Variants in PTPN14 observed in about 807,000 individuals in gnomAD.
PTPN14 encodes tyrosine-protein phosphatase non-receptor type 14.
In PTPN14, 53 loss-of-function variants were observed where a neutral mutation model predicts 126.8. The observed-to-expected ratio is 0.42, with a 90% confidence interval of 0.34 to 0.53. The LOEUF (loss-of-function observed/expected upper bound fraction) is 0.53. Among genes scored for constraint, PTPN14 ranks in the 20% least tolerant of loss-of-function variants. The pLI, the probability that PTPN14 is intolerant of heterozygous loss-of-function variation, is 0.08. For missense variants in PTPN14, 1,257 were observed against 1,552.9 expected, an observed-to-expected ratio of 0.81 and a Z score of 3.20; for synonymous variants, 630 against 599.3, an observed-to-expected ratio of 1.05 and a Z score of -0.75.
intron 3 of PTPN14, among the ~76,000 whole-genome samples, chr1:214,445,889 A>G (rs563693971): frequency 2.0e-5 from 3 of 152,180 alleles, no homozygotes; most frequent in Non-Finnish European, 4.4e-5. Flanking sequence ...GTTTATAATG[A>G]GCCTGTTGCT....
intron 7 of PTPN14, among the ~76,000 whole-genome samples, chr1:214,398,613 A>ATTTTTTTT (rs56339386): frequency 0.014 from 1,518 of 108,790 alleles, 64 homozygotes; most frequent in African/African-American, 0.033. Flanking sequence ...TGCCCTGCTA[A>ATTTTTTTT]TTTTTTTTTT....
At chr1:214,393,644 A>T in intron 10 of PTPN14, 51 bp downstream of exon 10, 1 of 1,378,184 alleles carries the variant, frequency 7.3e-7, no homozygotes, top group Non-Finnish European at 1.0e-6. Flanking sequence ...AAAGGACATT[A>T]ATTTAATCTG....
At chr1:214,408,554 C>T (rs1331644379) in intron 5 of PTPN14, among the ~76,000 whole-genome samples, 3 of 147,126 alleles carry the variant, frequency 2.0e-5, no homozygotes, top group Admixed American at 6.6e-5. Context: ...AGGCTGTGTG[C>T]CAGATGACAG....
At chr1:214,491,764 T>C (rs1661256274) in intron 1 of PTPN14, among the ~76,000 whole-genome samples, 1 of 152,114 alleles carries the variant, frequency 6.6e-6, no homozygotes, top group East Asian at 1.9e-4. Flanking sequence ...GGAAGGAGAC[T>C]AAAGGACAAG....
At chr1:214,444,081 T>C (rs553283091) in intron 3 of PTPN14, among the ~76,000 whole-genome samples, 20 of 152,224 alleles carry the variant, frequency 1.3e-4, no homozygotes, top group African/African-American at 3.9e-4. Flanking sequence ...TTAATAAAGG[T>C]TGAAATAAAA....
intron 1 of PTPN14, among the ~76,000 whole-genome samples, chr1:214,494,504 G>A (rs1175745058): frequency 6.6e-6 from 1 of 152,200 alleles, no homozygotes; most frequent in Non-Finnish European, 1.5e-5. Flanking sequence ...GGTCAAAATA[G>A]GAACAAGCCC....
intron 17 of PTPN14, among the ~76,000 whole-genome samples, chr1:214,365,835 A>G (rs1288874680): frequency 6.6e-6 from 1 of 152,186 alleles, no homozygotes; most frequent in African/African-American, 2.4e-5. Context: ...CAGTACTACT[A>G]GTAGTAGTAA....
At chr1:214,522,825 A>T (rs1015938057) in intron 1 of PTPN14, among the ~76,000 whole-genome samples, 2 of 152,242 alleles carry the variant, frequency 1.3e-5, no homozygotes, top group Non-Finnish European at 2.9e-5. Context: ...GTGTTTTAAA[A>T]GACTTAATGT....
chr1:214,480,106 T>C (rs1660953070), intron 1 of PTPN14, among the ~76,000 whole-genome samples: 1 of 152,222 alleles, frequency 6.6e-6, no homozygotes, highest in Admixed American at 6.5e-5. Flanking sequence ...GGTTCTAATT[T>C]TTTGCTATTT....
chr1:214,491,712 A>G (rs1661255419), intron 1 of PTPN14, among the ~76,000 whole-genome samples: 1 of 152,158 alleles, frequency 6.6e-6, no homozygotes, highest in African/African-American at 2.4e-5. Flanking sequence ...ATGGCCCTCT[A>G]GGCTTACAAT....
At chr1:214,494,800 G>A (rs1421279619) in intron 1 of PTPN14, among the ~76,000 whole-genome samples, 1 of 152,152 alleles carries the variant, frequency 6.6e-6, no homozygotes, top group Non-Finnish European at 1.5e-5. Context: ...GAAGGGGGAA[G>A]GGCAGTTGTG....
At chr1:214,427,568 AGT>A (rs1659697260) in intron 3 of PTPN14, among the ~76,000 whole-genome samples, 1 of 152,198 alleles carries the variant, frequency 6.6e-6, no homozygotes, top group African/African-American at 2.4e-5. Flanking sequence ...ACATGCCAGG[AGT>A]TATTCTAGGC....
chr1:214,426,532 GAAAAA>G (rs201326153), intron 3 of PTPN14, among the ~76,000 whole-genome samples: 1 of 144,466 alleles, frequency 6.9e-6, no homozygotes, highest in African/African-American at 2.5e-5. Flanking sequence ...ACTTCCTAGA[GAAAAA>G]AAAAAATGAT....
intron 11 of PTPN14, 100 bp downstream of exon 11, chr1:214,390,888 T>C (rs1658733992): frequency 9.8e-7 from 1 of 1,018,290 alleles, no homozygotes; most frequent in Non-Finnish European, 1.4e-6. Context: ...CTCACAAAAT[T>C]TCACCTCATC....
chr1:214,375,229 T>A (rs1315607055), intron 15 of PTPN14, among the ~76,000 whole-genome samples: 1 of 152,226 alleles, frequency 6.6e-6, no homozygotes, highest in African/African-American at 2.4e-5. Context: ...TTATAATTGA[T>A]ACACAAGCTA....
intron 3 of PTPN14, among the ~76,000 whole-genome samples, chr1:214,429,445 A>G (rs1659747800): frequency 1.3e-5 from 2 of 152,228 alleles, no homozygotes; most frequent in Non-Finnish European, 2.9e-5. Flanking sequence ...AGAGTACTAC[A>G]TGCTTTTATA....
intron 1 of PTPN14, chr1:214,532,909 C>T: frequency 1.0e-6 from 1 of 960,668 alleles, no homozygotes; most frequent in Non-Finnish European, 1.7e-6. Flanking sequence ...ATCTCAGGAC[C>T]TCGCCACGAT....
intron 1 of PTPN14, among the ~76,000 whole-genome samples, chr1:214,493,386 A>G (rs1046046558): frequency 6.6e-6 from 1 of 152,232 alleles, no homozygotes; most frequent in Non-Finnish European, 1.5e-5. Flanking sequence ...ATTCCCACCA[A>G]CCATGTACAA....
intron 1 of PTPN14, among the ~76,000 whole-genome samples, chr1:214,465,431 G>A (rs1465566264): frequency 6.6e-6 from 1 of 152,084 alleles, no homozygotes; most frequent in Non-Finnish European, 1.5e-5. Context: ...ACAACACAAT[G>A]AGACCCTGTC....
Sources: gnomAD v4.1 joint callset for allele counts (sites outside exome capture counted in the v4.1 genomes callset) on GRCh38, gnomAD v4.1.1 for gene constraint, MANE v1.5 for transcripts, NCBI Gene and HGNC (gene_info 2026-07-23, HGNC 2026-07-21) for gene names.